GRID2: variants seen among roughly 807,000 people sequenced by gnomAD.
GRID2 encodes glutamate ionotropic receptor delta type subunit 2.
GRID2 carries 33 observed loss-of-function variants against 114.8 expected under a neutral mutation model. The ratio of observed to expected loss-of-function variants is 0.29; its 90% CI spans 0.22 to 0.38. The LOEUF (loss-of-function observed/expected upper bound fraction) is 0.38, where lower values mean the gene tolerates loss of function less well. GRID2 is among the 10% of genes least tolerant of loss of function. The pLI, the probability that GRID2 is intolerant of heterozygous loss-of-function variation, is 1.00. For synonymous variants in GRID2, 505 were observed against 449.9 expected, an observed-to-expected ratio of 1.12 and a Z score of -1.55; for missense variants, 1,184 against 1,257.7, an observed-to-expected ratio of 0.94 and a Z score of 0.89.
intron 13 of GRID2, among the ~76,000 whole-genome samples, chr4:93,522,854 T>G (rs1730473697): frequency 6.6e-6 from 1 of 152,120 alleles, no homozygotes; most frequent in African/African-American, 2.4e-5. Context: ...ACAAAATCTT[T>G]GGAGAAGAGG....
At chr4:93,362,509 C>G (rs1490659344) in intron 8 of GRID2, among the ~76,000 whole-genome samples, 1 of 151,694 alleles carries the variant, frequency 6.6e-6, no homozygotes, top group African/African-American at 2.4e-5. Flanking sequence ...TTTCTTTTAC[C>G]CTTTACACAG....
At chr4:92,337,742 A>G (rs753018144) in intron 1 of GRID2, among the ~76,000 whole-genome samples, 8 of 152,142 alleles carry the variant, frequency 5.3e-5, no homozygotes, top group Non-Finnish European at 8.8e-5. Flanking sequence ...CTTGATACCT[A>G]GGGATTAAAT....
chr4:92,755,228 C>A, intron 2 of GRID2, among the ~76,000 whole-genome samples: 1 of 152,064 alleles, frequency 6.6e-6, no homozygotes, highest in East Asian at 1.9e-4. Flanking sequence ...TTGTTTCTGC[C>A]ATTTTTGAGA....
At chr4:92,344,655 C>T (rs969038168) in intron 1 of GRID2, among the ~76,000 whole-genome samples, 5 of 152,114 alleles carry the variant, frequency 3.3e-5, no homozygotes, top group Non-Finnish European at 5.9e-5. Flanking sequence ...GTGGTGAATG[C>T]TCAGATCAGT....
At chr4:93,171,327 T>C (rs1387570013) in intron 4 of GRID2, among the ~76,000 whole-genome samples, 1 of 152,146 alleles carries the variant, frequency 6.6e-6, no homozygotes, top group African/African-American at 2.4e-5. Flanking sequence ...GCTGCATGGC[T>C]CACTCCCTCA....
chr4:92,318,310 T>TATATA (rs1726112902), intron 1 of GRID2, among the ~76,000 whole-genome samples: 6 of 74,378 alleles, frequency 8.1e-5, no homozygotes, highest in South Asian at 4.8e-4. Flanking sequence ...ATATATATAT[T>TATATA]TTTTTTTTTT....
chr4:92,733,668 A>G (rs1015112705), intron 2 of GRID2, among the ~76,000 whole-genome samples: 25 of 152,096 alleles, frequency 1.6e-4, no homozygotes, highest in African/African-American at 6.0e-4. Context: ...AACAATTTCT[A>G]AGAGACCAAG....
chr4:92,656,194 C>T (rs903256042), intron 2 of GRID2, among the ~76,000 whole-genome samples: 1 of 151,694 alleles, frequency 6.6e-6, no homozygotes, highest in Non-Finnish European at 1.5e-5. Context: ...CATCCTCACA[C>T]TGACTAGCTT....
chr4:92,652,557 C>T (rs539176173), intron 2 of GRID2, among the ~76,000 whole-genome samples: 25 of 151,538 alleles, frequency 1.6e-4, no homozygotes, highest in African/African-American at 6.0e-4. Flanking sequence ...TGACACATGC[C>T]TGTAGTCTCA....
intron 2 of GRID2, among the ~76,000 whole-genome samples, chr4:92,748,737 C>T (rs1737284015): frequency 6.6e-6 from 1 of 150,548 alleles, no homozygotes; most frequent in African/African-American, 2.4e-5. Context: ...TCTCACCTCA[C>T]TGTAACCTCC....
At chr4:93,377,576 C>T (rs985174364) in intron 8 of GRID2, among the ~76,000 whole-genome samples, 1 of 152,148 alleles carries the variant, frequency 6.6e-6, no homozygotes. Flanking sequence ...TTGCTCTGAT[C>T]GTGTTCAGCT....
chr4:93,457,331 A>G (rs890107967), intron 11 of GRID2, among the ~76,000 whole-genome samples: 3 of 152,038 alleles, frequency 2.0e-5, no homozygotes, highest in African/African-American at 7.2e-5. Context: ...AGAAAAGGAG[A>G]CATAAACGGT....
intron 2 of GRID2, among the ~76,000 whole-genome samples, chr4:92,877,475 G>A (rs1745715482): frequency 6.6e-6 from 1 of 152,198 alleles, no homozygotes; most frequent in African/African-American, 2.4e-5. Flanking sequence ...CACTAGTTGA[G>A]TAATGAGGAT....
intron 13 of GRID2, among the ~76,000 whole-genome samples, chr4:93,592,705 G>A (rs977980402): frequency 6.6e-6 from 1 of 152,070 alleles, no homozygotes; most frequent in African/African-American, 2.4e-5. Flanking sequence ...TCTCTTTGTA[G>A]GTCACTCAGG....
At chr4:93,744,972 A>G (rs1731721906) in intron 14 of GRID2, among the ~76,000 whole-genome samples, 1 of 152,200 alleles carries the variant, frequency 6.6e-6, no homozygotes, top group Non-Finnish European at 1.5e-5. Flanking sequence ...GATTATTATT[A>G]GCATTTTTAG....
At chr4:93,241,575 G>A (rs1452149136) in intron 8 of GRID2, among the ~76,000 whole-genome samples, 1 of 151,682 alleles carries the variant, frequency 6.6e-6, no homozygotes, top group Non-Finnish European at 1.5e-5. Context: ...CTACCACCTT[G>A]CATAAGGGTT....
Position 93,238,452 on chromosome 4 carries a change from A to G in GRID2, c.1207A>G (p.Thr403Ala), listed in dbSNP as rs1295624154. The stretch of plus-strand genomic sequence containing the variant: ...CAATGTCCACTTTGAAATCCTTGGA[A>G]CCAACTATGGAGAAGAGCTTGGCAG... ...NPNVHFEILG[T>A]NYGEELGRGV... Residue 403 changes from threonine to alanine, a missense_variant, in exon 8 of 16, where the codon ACC becomes GCC. Physicochemically the swap from Thr to Ala is moderately conservative, Grantham distance 58. Coordinates refer to ENST00000282020, the MANE Select transcript of GRID2 (RefSeq NM_001510.4). 1 of 1,610,122 alleles carries G rather than the reference A, an allele frequency of 6.2e-7. No individual in the cohort carries two copies. The highest frequency in any genetic ancestry group is 1.7e-5 in the Admixed American group (1 of 59,820).
intron 14 of GRID2, among the ~76,000 whole-genome samples, chr4:93,732,650 A>G (rs141799032): frequency 7.8e-4 from 119 of 152,044 alleles, no homozygotes; most frequent in East Asian, 1.9e-4. Flanking sequence ...TGTTGTTCTT[A>G]TGTTTTCTTC....
chr4:93,483,939 T>C (rs1431334622), intron 11 of GRID2, among the ~76,000 whole-genome samples: 1 of 151,884 alleles, frequency 6.6e-6, no homozygotes, highest in African/African-American at 2.4e-5. Context: ...ATTATGTTTT[T>C]TTTTTAATTT....
Sources: gnomAD v4.1 joint callset for allele counts (sites outside exome capture counted in the v4.1 genomes callset) on GRCh38, gnomAD v4.1.1 for gene constraint, MANE v1.5 for transcripts, NCBI Gene and HGNC (gene_info 2026-07-23, HGNC 2026-07-21) for gene names.